CCDC180: variants seen among roughly 807,000 people sequenced by gnomAD.
CCDC180 encodes the protein coiled-coil domain-containing protein 180.
Under a neutral mutation model 209.2 loss-of-function variants are expected in CCDC180, and 154 were observed. The observed-to-expected ratio is 0.74, with a 90% CI of 0.65 to 0.84. CCDC180 has a LOEUF of 0.84. Ranked by LOEUF, CCDC180 falls within the 40% of genes least tolerant of loss-of-function variation. The pLI, the probability that CCDC180 is intolerant of heterozygous loss-of-function variation, is 0.00. For synonymous variants in CCDC180, 778 were observed against 749.1 expected, an observed-to-expected ratio of 1.04 and a Z score of -0.63; for missense variants, 1,874 against 1,997.3, an observed-to-expected ratio of 0.94 and a Z score of 1.18.
intron 31 of CCDC180, among the ~76,000 whole-genome samples, chr9:97,367,232 G>T (rs1531439): frequency 0.17 from 26,446 of 152,120 alleles, 2,879 homozygotes; most frequent in Middle Eastern, 0.27. Flanking sequence ...ATATTTCAAG[G>T]TTTATGCATG....
intron 8 of CCDC180, among the ~76,000 whole-genome samples, chr9:97,315,195 G>A (rs1833125754): frequency 6.6e-6 from 1 of 152,094 alleles, no homozygotes; most frequent in South Asian, 2.1e-4. Context: ...CTTGAACCAG[G>A]CACACCTAAT....
In CCDC180 at chr9:97,371,695, T is replaced by A. The variant is rs746222016; in HGVS notation, c.4589T>A (p.Val1530Asp). ...GATGAGGTGGTCACCATTGACGATG[T>A]CCAGGTTGCAAGTAAGAGGCACCAC... ...QLDEVVTIDD[V>D]QVARMEPPKQ... Residue 1530 changes from valine (V) to aspartate (D), a missense_variant, in exon 34 of 37, where the codon GTC becomes GAC. Coordinates refer to ENST00000529487, the MANE Select transcript of CCDC180 (RefSeq NM_020893.6). 1.3e-6 allele frequency: 2 copies of A among 1,592,376 alleles called. No individual in the cohort carries two copies. The highest frequency in any genetic ancestry group is 1.7e-6 in the Non-Finnish European group (2 of 1,162,808).
At chr9:97,311,964 C>T in intron 3 of CCDC180, 149 bp from the exon 4 acceptor site, 1 of 677,954 alleles carries the variant, frequency 1.5e-6, no homozygotes. Flanking sequence ...TGGGCACTGC[C>T]TCAGGGCTCT....
intron 24 of CCDC180, among the ~76,000 whole-genome samples, chr9:97,355,901 G>A (rs1228354430): frequency 6.6e-6 from 1 of 152,194 alleles, no homozygotes; most frequent in East Asian, 1.9e-4. Context: ...GCCCAGGACT[G>A]CAAGAGTGTG....
Position 97,318,607 on chromosome 9 carries a change from G to C in CCDC180, c.1079+25G>C. On this transcript the variant is annotated intron_variant, in intron 10 of 36. Transcript: ENST00000529487. ...GGTATGGGCAGGAGGGGCGGCCCAG[G>C]AGGGGTGCTTCTTGGGGTGCAGTGA... 3.1e-6 allele frequency: 5 copies of C among 1,608,248 alleles called. 1 individual carries two copies. The highest frequency in any genetic ancestry group is 4.2e-6 in the Non-Finnish European group (5 of 1,178,566).
At chr9:97,338,734 G>A (rs1825985233) in intron 18 of CCDC180, among the ~76,000 whole-genome samples, 1 of 151,946 alleles carries the variant, frequency 6.6e-6, no homozygotes, top group Non-Finnish European at 1.5e-5. Flanking sequence ...CTTCTGTCTT[G>A]TTGATCTAAT....
chr9:97,364,781 C>T (rs1587832529), intron 29 of CCDC180: 1 of 152,170 alleles, frequency 6.6e-6, no homozygotes, highest in East Asian at 1.9e-4. Context: ...AATACTTCGG[C>T]TCTCTATTTT....
chr9:97,376,097 A>C (rs35778718), intron 36 of CCDC180: 33,024 of 157,774 alleles, frequency 0.21, 3,753 homozygotes, highest in East Asian at 0.39. Flanking sequence ...GCTTAAAGAA[A>C]CTTGTCCCTT....
intron 22 of CCDC180, among the ~76,000 whole-genome samples, chr9:97,352,727 C>T (rs12683933): frequency 0.18 from 27,607 of 151,932 alleles, 3,145 homozygotes; most frequent in Middle Eastern, 0.28. Flanking sequence ...TGGAAAGTAG[C>T]GAAAACTAGA....
chr9:97,330,747 G>C lies in CCDC180; in HGVS notation c.2254G>C (p.Glu752Gln). 4.4e-6 allele frequency: 7 copies of C among 1,600,916 alleles called. No homozygotes were observed. The highest frequency in any genetic ancestry group is 5.9e-6 in the Non-Finnish European group (7 of 1,179,232). The stretch of plus-strand genomic sequence containing the variant: ...GGAGAAGGAGGCACAGGAAGAGCAA[G>C]AGAGTTTATCTGTGGGTGAGGTAAG... ...KEEKEAQEEQ[E>Q]SLSVGEEEDK... Residue 752 changes from glutamate (E) to glutamine (Q), a missense_variant, in exon 18 of 37, where the codon GAG becomes CAG. By Grantham distance (29) the Glu-to-Gln change is conservative. Coordinates refer to ENST00000529487, the MANE Select transcript of CCDC180 (RefSeq NM_020893.6).
chr9:97,357,724 C>T lies in CCDC180; in HGVS notation c.3362C>T (p.Thr1121Ile), dbSNP rs1826622388. 6.3e-7 allele frequency: 1 copy of T among 1,595,474 alleles called. No individual in the cohort carries two copies. Residue 1121 changes from threonine to isoleucine, a missense_variant and splice_region_variant, in exon 25 of 37, where the codon ACC becomes ATC. By Grantham distance (89) the Thr-to-Ile change is moderately conservative. Coordinates refer to ENST00000529487, the MANE Select transcript of CCDC180 (RefSeq NM_020893.6). ...KTCQESRGEK[T>I]TVTTEELLSF... ...TGTCAAGAGTCCAGGGGAGAGAAAA[C>T]CGTAAGTGTTCAATAGATTCTGCAT...
At chr9:97,320,350 A>T in intron 11 of CCDC180, 145 bp downstream of exon 11, 1 of 725,424 alleles carries the variant, frequency 1.4e-6, no homozygotes, top group Admixed American at 2.2e-5. Context: ...CTGAGGGCTC[A>T]AAAGGCCCCC....
At chr9:97,339,117 G>T (rs1057289413) in intron 18 of CCDC180, among the ~76,000 whole-genome samples, 4 of 152,060 alleles carry the variant, frequency 2.6e-5, no homozygotes, top group South Asian at 2.1e-4. Context: ...TATTCAATTT[G>T]CCAGTCTGTG....
chr9:97,350,234 C>A (rs954308925), intron 21 of CCDC180, among the ~76,000 whole-genome samples, 175 bp from the exon 22 acceptor site: 1 of 151,852 alleles, frequency 6.6e-6, no homozygotes, highest in Admixed American at 6.6e-5. Context: ...CCTGCCCCTC[C>A]CATGTCCCCA....
chr9:97,374,495 T>C (rs1465625579), intron 34 of CCDC180, 48 bp from the exon 35 acceptor site: 1 of 1,440,156 alleles, frequency 6.9e-7, no homozygotes. Flanking sequence ...TCCCTCGATC[T>C]CAGGCTGTCG....
intron 21 of CCDC180, among the ~76,000 whole-genome samples, chr9:97,349,518 A>G (rs1364369579): frequency 6.6e-6 from 1 of 152,242 alleles, no homozygotes; most frequent in Non-Finnish European, 1.5e-5. Context: ...CACAGGCAGC[A>G]TGCAAGGGTG....
intron 35 of CCDC180, among the ~76,000 whole-genome samples, chr9:97,375,209 C>T (rs1321926606): frequency 6.6e-6 from 1 of 152,204 alleles, no homozygotes; most frequent in Non-Finnish European, 1.5e-5. Flanking sequence ...GCAACTTGAG[C>T]TGTGGCACTC....
intron 20 of CCDC180, 157 bp downstream of exon 20, chr9:97,347,646 C>T: frequency 4.5e-6 from 3 of 663,714 alleles, no homozygotes; most frequent in Non-Finnish European, 7.2e-6. Flanking sequence ...GGGTTCGCAC[C>T]TCTGAGGCTT....
At chr9:97,335,953 T>C (rs2118726730) in intron 18 of CCDC180, among the ~76,000 whole-genome samples, 1 of 152,368 alleles carries the variant, frequency 6.6e-6, no homozygotes, top group Admixed American at 6.5e-5. Context: ...TTTTCATGTG[T>C]CTGTTGGCGG....
Sources: gnomAD v4.1 joint callset for allele counts (sites outside exome capture counted in the v4.1 genomes callset) on GRCh38, gnomAD v4.1.1 for gene constraint, MANE v1.5 for transcripts, NCBI Gene and HGNC (gene_info 2026-07-23, HGNC 2026-07-21) for gene names.